The following CASK variants were observed in gnomAD, a reference collection of about 807,000 sequenced individuals.
The protein encoded by CASK is peripheral plasma membrane protein CASK.
In CASK, 4 loss-of-function variants were observed where a neutral mutation model predicts 82.9. The ratio of observed to expected loss-of-function variants is 0.05; its 90% CI spans 0.02 to 0.11. CASK has a LOEUF of 0.11. Among genes scored for constraint, CASK ranks in the 10% least tolerant of loss-of-function variants. CASK has a pLI of 1.00. For synonymous variants in CASK, 259 were observed against 253.5 expected, an observed-to-expected ratio of 1.02 and a Z score of -0.20; for missense variants, 358 against 720.9, an observed-to-expected ratio of 0.50 and a Z score of 5.76.
intron 1 of CASK, among the ~76,000 whole-genome samples, chrX:41,863,622 T>C (rs1181069277): frequency 8.9e-6 from 1 of 112,456 alleles, no homozygotes. Flanking sequence ...GAGCTATATA[T>C]TCACATTTTG....
intron 2 of CASK, among the ~76,000 whole-genome samples, chrX:41,848,761 T>C (rs1028549969): frequency 1.8e-5 from 2 of 112,025 alleles, no homozygotes; most frequent in Non-Finnish European, 3.8e-5. Flanking sequence ...CCTCCTTTGA[T>C]GGCTGTCAAG....
At chrX:41,861,743 T>C (rs2071481239) in intron 1 of CASK, among the ~76,000 whole-genome samples, 1 of 103,607 alleles carries the variant, frequency 9.7e-6, no homozygotes, top group Admixed American at 1.1e-4. Context: ...ATAATGTATA[T>C]ATATTACATG....
At chrX:41,908,202 C>T (rs1486427164) in intron 1 of CASK, among the ~76,000 whole-genome samples, 1 of 111,919 alleles carries the variant, frequency 8.9e-6, no homozygotes, top group African/African-American at 3.3e-5. Flanking sequence ...GAAACCCCGT[C>T]TCTGCTAAAA....
chrX:41,851,202 GAA>G (rs1376617224), intron 2 of CASK, among the ~76,000 whole-genome samples: 1 of 111,816 alleles, frequency 8.9e-6, no homozygotes, highest in Non-Finnish European at 1.9e-5. Context: ...GGAAGGATAT[GAA>G]AAGAGTACAT....
intron 2 of CASK, among the ~76,000 whole-genome samples, chrX:41,825,763 T>G (rs993032487): frequency 1.3e-4 from 15 of 112,211 alleles, no homozygotes; most frequent in Non-Finnish European, 2.6e-4. Flanking sequence ...AAGCACTTTA[T>G]AGTTCAAAAG....
Position 41,555,675 on chromosome X carries a change from A to G in CASK, c.1807-40T>C. On this transcript the variant is annotated intron_variant, in intron 19 of 26. Transcript: ENST00000378163. ...CAACCCAGGAGAAAAATTTTCATTTATTTTTCAAGAGTACAAAGTAATTTG... is the reference window on the plus strand; with the variant it reads ...CAACCCAGGAGAAAAATTTTCATTTGTTTTTCAAGAGTACAAAGTAATTTG... The G allele has an allele frequency of 2.9e-6, 3 of 1,048,623 alleles. No individual in the cohort carries two copies. The South Asian group carries it at 5.7e-5, about 20-fold the overall frequency. 86.4% of individuals were successfully genotyped at this position (1,048,623 alleles called of 1,213,427 possible).
intron 10 of CASK, chrX:41,624,263 C>T (rs1016658405): frequency 2.6e-5 from 9 of 352,010 alleles, no homozygotes; most frequent in Non-Finnish European, 3.9e-5. Context: ...AAAAGACAGA[C>T]GTGAAACAAT....
chrX:41,613,025 G>A (rs1425473130), intron 11 of CASK, among the ~76,000 whole-genome samples: 5 of 103,060 alleles, frequency 4.9e-5, no homozygotes, highest in Non-Finnish European at 2.0e-5. Flanking sequence ...TCAGCCCCCC[G>A]CCTGGCCAGC....
At chrX:41,558,421 G>A (rs757547491) in intron 18 of CASK, 1 of 110,893 alleles carries the variant, frequency 9.0e-6, no homozygotes, top group Non-Finnish European at 1.9e-5. Context: ...AACTTATGTT[G>A]TATTAATAAC....
intron 2 of CASK, 28 bp downstream of exon 2, chrX:41,853,087 A>G: frequency 1.0e-6 from 1 of 989,237 alleles, no homozygotes; most frequent in Non-Finnish European, 1.4e-6. Flanking sequence ...CCAGACATCA[A>G]ATAACTTACT....
intron 2 of CASK, among the ~76,000 whole-genome samples, chrX:41,844,232 T>C (rs1172657591): frequency 1.8e-5 from 2 of 111,761 alleles, no homozygotes; most frequent in African/African-American, 6.5e-5. Context: ...GCAGGCCTTA[T>C]ACAAAAAGTT....
intron 2 of CASK, among the ~76,000 whole-genome samples, chrX:41,839,599 C>G (rs2070995626): frequency 9.3e-6 from 1 of 107,120 alleles, no homozygotes; most frequent in East Asian, 2.9e-4. Flanking sequence ...CAAACAGGGA[C>G]AGTTTCATTT....
At chrX:41,590,744 C>T (rs373730079) in intron 12 of CASK, among the ~76,000 whole-genome samples, 1 of 110,308 alleles carries the variant, frequency 9.1e-6, no homozygotes, top group Non-Finnish European at 1.9e-5. Flanking sequence ...TTCCTAACTT[C>T]TCTAAAACAG....
intron 1 of CASK, among the ~76,000 whole-genome samples, chrX:41,897,250 T>C (rs2072285380): frequency 8.9e-6 from 1 of 111,794 alleles, no homozygotes; most frequent in African/African-American, 3.3e-5. Context: ...GCCTGTCATA[T>C]ACAGCCTTTA....
intron 15 of CASK, 44 bp from the exon 16 acceptor site, chrX:41,569,790 A>G: frequency 1.3e-6 from 1 of 756,556 alleles, no homozygotes; most frequent in Non-Finnish European, 2.0e-6. Flanking sequence ...TAGAATTACT[A>G]TGACAGTGCT....
At chrX:41,656,760 T>C (rs756752067) in intron 8 of CASK, among the ~76,000 whole-genome samples, 1 of 110,870 alleles carries the variant, frequency 9.0e-6, no homozygotes, top group Non-Finnish European at 1.9e-5. Flanking sequence ...GTTATGACTA[T>C]GCAATTCTTG....
intron 2 of CASK, among the ~76,000 whole-genome samples, chrX:41,805,856 C>A (rs1244708928): frequency 9.0e-6 from 1 of 111,169 alleles, no homozygotes; most frequent in Admixed American, 9.6e-5. Flanking sequence ...ACTCAGGACC[C>A]TGAGAGACGG....
chrX:41,612,343 C>T (rs1430055490), intron 11 of CASK, among the ~76,000 whole-genome samples: 1 of 108,527 alleles, frequency 9.2e-6, no homozygotes, highest in African/African-American at 3.4e-5. Context: ...GCGTCTCTGC[C>T]CAGCCGCCCC....
intron 5 of CASK, among the ~76,000 whole-genome samples, chrX:41,704,355 G>A (rs751174124): frequency 2.7e-5 from 3 of 112,086 alleles, no homozygotes; most frequent in Non-Finnish European, 3.8e-5. Flanking sequence ...GTTATAAATA[G>A]TATAGAGGAG....
Sources: allele counts gnomAD v4.1 joint callset (sites outside exome capture counted in the v4.1 genomes callset), GRCh38; gene constraint gnomAD v4.1.1; transcripts MANE v1.5; gene names NCBI Gene and HGNC (gene_info 2026-07-23, HGNC 2026-07-21).